GARRE1: variants seen among roughly 807,000 people sequenced by gnomAD.
The protein encoded by GARRE1 is granule associated Rac and RHOG effector 1.
Under a neutral mutation model 103.2 loss-of-function variants are expected in GARRE1, and 49 were observed. That is an observed-to-expected ratio of 0.47 (90% CI 0.38 to 0.60). The LOEUF is 0.60. GARRE1 is among the 20% of genes least tolerant of loss of function. GARRE1 has a pLI of 0.00. For missense variants in GARRE1, 1,199 were observed against 1,370.5 expected (o/e 0.87, Z 1.98); for synonymous variants, 505 against 532.8 (o/e 0.95, Z 0.72).
chr19:34,284,564 G>T (rs1024960192), intron 1 of GARRE1, among the ~76,000 whole-genome samples: 2 of 152,176 alleles, frequency 1.3e-5, no homozygotes, highest in Non-Finnish European at 2.9e-5. Flanking sequence ...AAATTATGTT[G>T]AAAAGATGTT....
intron 1 of GARRE1, among the ~76,000 whole-genome samples, chr19:34,286,463 T>C (rs546896711): frequency 7.8e-4 from 117 of 149,834 alleles, no homozygotes; most frequent in Non-Finnish European, 1.3e-3. Flanking sequence ...TCTTGATCTG[T>C]CCACTTTGGC....
intron 1 of GARRE1, among the ~76,000 whole-genome samples, chr19:34,282,112 T>C (rs777335759): frequency 7.9e-5 from 12 of 152,208 alleles, no homozygotes; most frequent in Non-Finnish European, 1.8e-4. Flanking sequence ...CAAGAATTCA[T>C]TGTTGATTTC....
At chr19:34,326,107 A>G (rs1352681908) in intron 3 of GARRE1, among the ~76,000 whole-genome samples, 1 of 152,240 alleles carries the variant, frequency 6.6e-6, no homozygotes, top group African/African-American at 2.4e-5. Context: ...CGTACCTAAC[A>G]TACCACCTTG....
intron 2 of GARRE1, among the ~76,000 whole-genome samples, chr19:34,305,256 C>G (rs887600370): frequency 3.3e-5 from 5 of 152,214 alleles, no homozygotes; most frequent in African/African-American, 1.2e-4. Context: ...AGACTACCGT[C>G]TGTACATGCA....
rs758361463 is a variant in GARRE1 at position 34,319,993 on chromosome 19, C to G, written c.582C>G (p.His194Gln). Residue 194 changes from histidine (H) to glutamine (Q), a missense_variant, in exon 3 of 14, where the codon CAC (histidine) becomes CAG (glutamine). Transcript: ENST00000299505. ...HALQKVQPVA[H>Q]SCFAEVIVPE... is the part of the protein sequence containing the mutation. The stretch of plus-strand genomic sequence containing the variant: ...TACAGAAGGTCCAGCCGGTGGCTCA[C>G]TCTTGCTTTGCTGAGGTCATCGTGC... 5 of 1,614,254 alleles carry G rather than the reference C, an allele frequency of 3.1e-6. No individual in the cohort carries two copies. The highest frequency in any genetic ancestry group is 1.1e-5 in the South Asian group (1 of 91,088).
At chr19:34,266,290 A>G (rs1031635255) in intron 1 of GARRE1, among the ~76,000 whole-genome samples, 6 of 152,142 alleles carry the variant, frequency 3.9e-5, no homozygotes, top group African/African-American at 1.4e-4. Flanking sequence ...AATCACCTAG[A>G]ATTTTCTCAT....
rs1008923979 is a variant in GARRE1, at chr19:34,319,728, C to T, written c.496-179C>T. Reference sequence around the variant, plus strand: ...GTTTTGACTTCCAGGCATCAGTCACCGAGGTCCAAACACAAAAACAAAGGC... The same window carrying T: ...GTTTTGACTTCCAGGCATCAGTCACTGAGGTCCAAACACAAAAACAAAGGC... On this transcript the variant is annotated intron_variant, in intron 2 of 13. Coordinates refer to ENST00000299505, the MANE Select transcript of GARRE1 (RefSeq NM_014686.5). Among the ~76,000 whole-genome samples, 45 of 152,108 alleles carry T rather than the reference C, an allele frequency of 3.0e-4. 1 individual carries two copies. Among genetic ancestry groups the T allele is most frequent in the African/African-American group, 9.7e-4 (40 of 41,412 alleles).
intron 1 of GARRE1, among the ~76,000 whole-genome samples, chr19:34,298,324 G>T (rs910654351): frequency 6.6e-6 from 1 of 152,014 alleles, no homozygotes; most frequent in Admixed American, 6.6e-5. Flanking sequence ...TGAGGCAGGA[G>T]GATTGCTTGG....
At chr19:34,304,172 C>A (rs952504567) in intron 2 of GARRE1, among the ~76,000 whole-genome samples, 12 of 151,710 alleles carry the variant, frequency 7.9e-5, no homozygotes, top group South Asian at 2.1e-4. Context: ...CTCACTGCAA[C>A]CTCTGCCTCC....
chr19:34,297,425 G>GT (rs968502082), intron 1 of GARRE1, among the ~76,000 whole-genome samples: 24 of 152,334 alleles, frequency 1.6e-4, no homozygotes, highest in African/African-American at 5.1e-4. Context: ...AATGTTTGTG[G>GT]TTTTTTAATT....
intron 9 of GARRE1, among the ~76,000 whole-genome samples, chr19:34,340,656 G>T (rs1036205693): frequency 6.6e-6 from 1 of 152,044 alleles, no homozygotes; most frequent in Admixed American, 6.6e-5. Context: ...TCAGCCTTCC[G>T]AGTAGCTGGG....
chr19:34,290,382 A>G (rs890629988), intron 1 of GARRE1, among the ~76,000 whole-genome samples: 1 of 152,072 alleles, frequency 6.6e-6, no homozygotes, highest in East Asian at 1.9e-4. Flanking sequence ...AAGAAAATGC[A>G]TTTAATATTC....
intron 1 of GARRE1, among the ~76,000 whole-genome samples, chr19:34,288,314 C>G (rs1310065330): frequency 6.6e-6 from 1 of 152,138 alleles, no homozygotes; most frequent in African/African-American, 2.4e-5. Flanking sequence ...CTAAAGTTTC[C>G]TTTCCTCAAT....
intron 1 of GARRE1, among the ~76,000 whole-genome samples, chr19:34,256,045 A>T (rs2073670386): frequency 6.6e-6 from 1 of 151,454 alleles, no homozygotes; most frequent in Non-Finnish European, 1.5e-5. Context: ...CGCCCAGTTG[A>T]CCAGGTTGGT....
At chr19:34,347,345 CT>C (rs940779600) in intron 10 of GARRE1, among the ~76,000 whole-genome samples, 1 of 152,118 alleles carries the variant, frequency 6.6e-6, no homozygotes, top group Non-Finnish European at 1.5e-5. Flanking sequence ...CCACCTCAGC[CT>C]CCCAAAGTGC....
At chr19:34,345,280 A>G (rs1243106403) in intron 10 of GARRE1, among the ~76,000 whole-genome samples, 1 of 152,158 alleles carries the variant, frequency 6.6e-6, no homozygotes, top group Admixed American at 6.5e-5. Context: ...AAAATTCTTC[A>G]TGCCGCTGCT....
intron 2 of GARRE1, among the ~76,000 whole-genome samples, chr19:34,318,277 C>T (rs932527050): frequency 5.9e-5 from 9 of 152,214 alleles, no homozygotes; most frequent in South Asian, 2.1e-4. Flanking sequence ...GGTCCACATG[C>T]GTGCCACAAG....
chr19:34,256,672 C>T (rs1238475663), intron 1 of GARRE1, among the ~76,000 whole-genome samples: 1 of 151,912 alleles, frequency 6.6e-6, no homozygotes, highest in Non-Finnish European at 1.5e-5. Context: ...AATATGTAAG[C>T]TTTATCATTT....
At chr19:34,331,534 G>C (rs2074137869) in intron 7 of GARRE1, among the ~76,000 whole-genome samples, 1 of 151,884 alleles carries the variant, frequency 6.6e-6, no homozygotes, top group African/African-American at 2.4e-5. Context: ...CAACTAAAAA[G>C]TAATGATTTG....
Sources: allele counts gnomAD v4.1 joint callset (sites outside exome capture counted in the v4.1 genomes callset), GRCh38; gene constraint gnomAD v4.1.1; transcripts MANE v1.5; gene names NCBI Gene and HGNC (gene_info 2026-07-23, HGNC 2026-07-21).